Variants in SPAG16 observed in about 807,000 individuals in gnomAD.
The protein encoded by SPAG16 is sperm-associated antigen 16 protein.
SPAG16 carries 86 observed loss-of-function variants against 80.4 expected under a neutral mutation model. The observed-to-expected ratio is 1.07, with a 90% CI of 0.90 to 1.28. The LOEUF (loss-of-function observed/expected upper bound fraction) is 1.28, where lower values mean the gene tolerates loss of function less well. SPAG16 is among the 50% of genes most tolerant of loss of function. SPAG16 has a pLI of 0.00. For synonymous variants in SPAG16, 294 were observed against 265.9 expected, an observed-to-expected ratio of 1.11 and a Z score of -1.03; for missense variants, 870 against 765.3, an observed-to-expected ratio of 1.14 and a Z score of -1.61.
intron 12 of SPAG16, among the ~76,000 whole-genome samples, chr2:213,976,282 A>G (rs2045398794): frequency 6.6e-6 from 1 of 151,100 alleles, no homozygotes; most frequent in African/African-American, 2.4e-5. Context: ...ATGCGTACAC[A>G]TGTGTGCACA....
At chr2:214,381,432 CT>C (rs1212012209) in intron 15 of SPAG16, among the ~76,000 whole-genome samples, 1 of 152,094 alleles carries the variant, frequency 6.6e-6, no homozygotes, top group Non-Finnish European at 1.5e-5. Context: ...AAGATGTTGC[CT>C]ATTTTCAGCC....
chr2:213,537,715 A>G (rs536872539), intron 10 of SPAG16, among the ~76,000 whole-genome samples: 2 of 152,232 alleles, frequency 1.3e-5, no homozygotes, highest in African/African-American at 4.8e-5. Context: ...TACAATCTAC[A>G]TAGTCATTGT....
chr2:213,598,279 G>A (rs1013019377), intron 10 of SPAG16, among the ~76,000 whole-genome samples: 2 of 152,172 alleles, frequency 1.3e-5, no homozygotes, highest in African/African-American at 4.8e-5. Flanking sequence ...TTCAGAGGGT[G>A]AAGGGGAAGT....
At chr2:213,931,962 G>C (rs532730037) in intron 12 of SPAG16, among the ~76,000 whole-genome samples, 75 of 151,508 alleles carry the variant, frequency 5.0e-4, no homozygotes, top group African/African-American at 1.6e-3. Flanking sequence ...AAAGTACCAA[G>C]CTCTAATTTA....
intron 15 of SPAG16, among the ~76,000 whole-genome samples, chr2:214,371,143 C>A (rs13420690): frequency 0.57 from 86,184 of 152,018 alleles, 29,133 homozygotes; most frequent in Non-Finnish European, 0.75. Flanking sequence ...TGTAGACTAA[C>A]GTTGAGGACA....
chr2:213,411,805 G>A (rs1050894179), intron 9 of SPAG16, among the ~76,000 whole-genome samples: 2 of 151,710 alleles, frequency 1.3e-5, no homozygotes, highest in Admixed American at 1.3e-4. Context: ...TCATAAAAAC[G>A]GCACTTACTA....
intron 15 of SPAG16, among the ~76,000 whole-genome samples, chr2:214,254,426 C>G (rs981514827): frequency 1.3e-5 from 2 of 152,124 alleles, no homozygotes; most frequent in Non-Finnish European, 2.9e-5. Context: ...ATGGGTTTGT[C>G]ATACATAGCT....
At chr2:214,204,648 G>T (rs1401874186) in intron 15 of SPAG16, among the ~76,000 whole-genome samples, 1 of 152,170 alleles carries the variant, frequency 6.6e-6, no homozygotes, top group Non-Finnish European at 1.5e-5. Context: ...CATCAAGGGA[G>T]CACCCTCTTG....
chr2:214,077,290 T>C (rs1400630964), intron 13 of SPAG16, among the ~76,000 whole-genome samples: 1 of 152,118 alleles, frequency 6.6e-6, no homozygotes, highest in Non-Finnish European at 1.5e-5. Flanking sequence ...TGTCCCTCAC[T>C]CTTGTTTCTG....
At chr2:213,990,624 T>G (rs2046231199) in intron 12 of SPAG16, among the ~76,000 whole-genome samples, 1 of 152,150 alleles carries the variant, frequency 6.6e-6, no homozygotes, top group Non-Finnish European at 1.5e-5. Context: ...ATTCATTAAG[T>G]GGAAGGGGAT....
intron 12 of SPAG16, among the ~76,000 whole-genome samples, chr2:213,995,519 A>G (rs2046474926): frequency 6.6e-6 from 1 of 152,184 alleles, no homozygotes; most frequent in South Asian, 2.1e-4. Context: ...TGTAAGAAAT[A>G]TGGCATTTCC....
At chr2:214,338,115 T>G (rs933089023) in intron 15 of SPAG16, among the ~76,000 whole-genome samples, 1 of 152,236 alleles carries the variant, frequency 6.6e-6, no homozygotes, top group African/African-American at 2.4e-5. Flanking sequence ...CCATTCAGTT[T>G]AGCATATCCA....
rs1221167140 is a variant in SPAG16, at chr2:213,419,665, G to A, written c.942+44546G>A. Among the ~76,000 whole-genome samples the A allele has an allele frequency of 2.6e-5, 4 of 152,136 alleles. No homozygotes were observed. The East Asian group carries it at 7.7e-4, about 29-fold the overall frequency. On this transcript the variant is annotated intron_variant, in intron 9 of 15. Transcript: ENST00000331683. ...GAAAATAATTTTGCATTAAAAGCAT[G>A]TGCTACTTTTTTTTCTTTGAAAAGA...
At chr2:214,118,701 A>T (rs2054066560) in intron 14 of SPAG16, among the ~76,000 whole-genome samples, 1 of 152,110 alleles carries the variant, frequency 6.6e-6, no homozygotes, top group Non-Finnish European at 1.5e-5. Flanking sequence ...TCCCTCCTAG[A>T]CATATGGCGA....
At chr2:214,263,971 T>C (rs1196694322) in intron 15 of SPAG16, among the ~76,000 whole-genome samples, 1 of 152,212 alleles carries the variant, frequency 6.6e-6, no homozygotes, top group Non-Finnish European at 1.5e-5. Context: ...TCTATGACAA[T>C]TTATTAGAAT....
intron 9 of SPAG16, among the ~76,000 whole-genome samples, chr2:213,394,193 C>G (rs2067919722): frequency 6.6e-6 from 1 of 151,856 alleles, no homozygotes; most frequent in Non-Finnish European, 1.5e-5. Flanking sequence ...TAGCATTTTT[C>G]TTGTTTATTT....
chr2:214,285,185 C>G (rs1693261599), intron 15 of SPAG16, among the ~76,000 whole-genome samples: 1 of 152,044 alleles, frequency 6.6e-6, no homozygotes, highest in Admixed American at 6.5e-5. Flanking sequence ...GAGATGATAC[C>G]TCATTGTGGT....
chr2:213,871,758 G>T (rs373953431), intron 11 of SPAG16, among the ~76,000 whole-genome samples: 1 of 151,100 alleles, frequency 6.6e-6, no homozygotes, highest in South Asian at 2.1e-4. Context: ...TCATTATTTG[G>T]CTATTAAGCT....
In SPAG16 at chr2:214,258,471, G is replaced by GTGTATATA. The variant is rs1553539128; in HGVS notation, c.1720+109206_1720+109207insGTATATAT. 9.8e-4 allele frequency among the ~76,000 whole-genome samples: 139 copies of GTGTATATA among 141,442 alleles called. 1 individual carries two copies. The highest frequency in any genetic ancestry group is 4.3e-3 in the East Asian group (21 of 4,832). The allele number at this position is 141,442 out of a possible 152,430, so 92.8% of individuals were successfully genotyped here. ...ACAGTGTGTGTATGTATGTGTGTGT[G>GTGTATATA]TATATATATATATATATATACACAC... On this transcript the variant is annotated intron_variant, in intron 15 of 15. Coordinates refer to ENST00000331683, the MANE Select transcript of SPAG16 (RefSeq NM_024532.5).
Sources: gnomAD v4.1 joint callset for allele counts (sites outside exome capture counted in the v4.1 genomes callset) on GRCh38, gnomAD v4.1.1 for gene constraint, MANE v1.5 for transcripts, NCBI Gene and HGNC (gene_info 2026-07-23, HGNC 2026-07-21) for gene names.